The following PIK3R6 variants were observed in gnomAD, a reference collection of about 807,000 sequenced individuals.
PIK3R6 encodes phosphoinositide-3-kinase regulatory subunit 6, also known as phosphoinositide 3-kinase regulatory subunit 6.
Under a neutral mutation model 84.9 loss-of-function variants are expected in PIK3R6, and 91 were observed. That is an observed-to-expected ratio of 1.07 (90% CI 0.90 to 1.28). The LOEUF (loss-of-function observed/expected upper bound fraction) is 1.28, where lower values mean the gene tolerates loss of function less well. Ranked by LOEUF, PIK3R6 falls within the 50% of genes most tolerant of loss-of-function variation. PIK3R6 has a pLI of 0.00. For synonymous variants in PIK3R6, 416 were observed against 411.4 expected, an observed-to-expected ratio of 1.01 and a Z score of -0.13; for missense variants, 996 against 985.1, an observed-to-expected ratio of 1.01 and a Z score of -0.15.
At chr17:8,850,215 G>T (rs1243607785) in intron 1 of PIK3R6, among the ~76,000 whole-genome samples, 1 of 151,136 alleles carries the variant, frequency 6.6e-6, no homozygotes, top group Non-Finnish European at 1.5e-5. Flanking sequence ...TGAGGCAGGA[G>T]AATCGCCTGA....
At chr17:8,822,446 G>T in intron 16 of PIK3R6, 141 bp downstream of exon 16, 1 of 941,376 alleles carries the variant, frequency 1.1e-6, no homozygotes, top group Non-Finnish European at 1.6e-6. Flanking sequence ...ACTCCCTGAA[G>T]GCTGGGGAAC....
intron 1 of PIK3R6, among the ~76,000 whole-genome samples, chr17:8,861,490 A>G (rs2089284119): frequency 6.6e-6 from 1 of 152,214 alleles, no homozygotes; most frequent in African/African-American, 2.4e-5. Context: ...CTAGAAAGAA[A>G]TGACTCCTAA....
intron 2 of PIK3R6, among the ~76,000 whole-genome samples, chr17:8,840,751 T>TTTTGTG (rs1555536532): frequency 4.2e-4 from 62 of 147,748 alleles, no homozygotes; most frequent in African/African-American, 1.5e-3. Context: ...ATTATTATTT[T>TTTTGTG]TGTGTGTGTG....
chr17:8,835,227 G>A (rs1471127860), intron 8 of PIK3R6, 46 bp downstream of exon 8: 4 of 1,432,544 alleles, frequency 2.8e-6, no homozygotes, highest in African/African-American at 2.8e-5. Flanking sequence ...TGGGCATGCA[G>A]GGACGAGGGC....
intron 8 of PIK3R6, among the ~76,000 whole-genome samples, chr17:8,833,950 C>G (rs376313888): frequency 1.7e-4 from 26 of 151,422 alleles, no homozygotes; most frequent in African/African-American, 5.8e-4. Flanking sequence ...AGGTGGATCA[C>G]GAGGTCAGGA....
chr17:8,836,514 G>C, intron 7 of PIK3R6, 33 bp downstream of exon 7: 1 of 1,611,378 alleles, frequency 6.2e-7, no homozygotes, highest in Non-Finnish European at 8.5e-7. Flanking sequence ...GTTTTAGGAG[G>C]CTGAAGGTAG....
chr17:8,867,515 A>G lies in PIK3R6; in HGVS notation c.-92+14T>C. On this transcript the variant is annotated intron_variant, in intron 1 of 19. Coordinates refer to ENST00000619866, the MANE Select transcript of PIK3R6 (RefSeq NM_001010855.4). ...TCTGCCTGCCTGGCGATCTCCATCC[A>G]AGCCAGCACTTACCTTGGTTCGGTG... 2.3e-6 allele frequency: 1 copy of G among 440,914 alleles called. No homozygotes were observed. The highest frequency in any genetic ancestry group is 1.7e-5 in the South Asian group (1 of 60,054). The allele number at this position is 440,914 out of a possible 1,614,324, so 27.3% of individuals were successfully genotyped here.
intron 1 of PIK3R6, among the ~76,000 whole-genome samples, chr17:8,858,310 C>CTTTTTTTTTTTTTTTTT (rs752142944): frequency 2.1e-5 from 2 of 95,516 alleles, no homozygotes; most frequent in Non-Finnish European, 4.0e-5. Context: ...CTCAATTAAT[C>CTTTTTTTTTTTTTTTTT]TTTTTTTTTT....
In PIK3R6 at chr17:8,844,303, AT is replaced by A. The variant is rs1467686252; in HGVS notation, c.14-4607del. 6.6e-6 allele frequency among the ~76,000 whole-genome samples: 1 copy of A among 152,244 alleles called. No homozygotes were observed. Among genetic ancestry groups the A allele is most frequent in the Non-Finnish European group, 1.5e-5 (1 of 68,034 alleles). On this transcript the variant is annotated intron_variant, in intron 2 of 19. Coordinates refer to ENST00000619866, the MANE Select transcript of PIK3R6 (RefSeq NM_001010855.4). The surrounding 1 kb of genome is among the most constrained non-coding windows in gnomAD (Gnocchi z 4.5). Reference sequence around the variant, plus strand: ...AGACTTTTCCCACTACCCAGACTTTATAAACCCTGAGCTTCTCACAAACTCC... The same window carrying A: ...AGACTTTTCCCACTACCCAGACTTTAAAACCCTGAGCTTCTCACAAACTCC...
rs757459750 is a variant in PIK3R6 at position 8,836,554 on chromosome 17, G to A, written c.454C>T (p.Gln152Ter). The A allele has an allele frequency of 1.2e-5, 19 of 1,613,884 alleles. No homozygotes were observed. The highest frequency in any genetic ancestry group is 1.3e-5 in the Non-Finnish European group (15 of 1,179,880). ...QNLTNELYPY[Q>*]ERVFLFVDPE... ...TTTTCTGGGGCCACTCACCTCTCCT[G>A]GTAGGGATACAGCTCATTCGTCAAG... The change falls in exon 7 of 20, where the codon CAG becomes TAG. Residue 152 changes from glutamine to a stop codon, truncating the protein, a stop_gained. Coordinates refer to ENST00000619866, the MANE Select transcript of PIK3R6 (RefSeq NM_001010855.4). LOFTEE classifies it high-confidence loss of function.
intron 18 of PIK3R6, among the ~76,000 whole-genome samples, chr17:8,807,392 A>G (rs1597373689): frequency 6.6e-6 from 1 of 152,162 alleles, no homozygotes; most frequent in Non-Finnish European, 1.5e-5. Flanking sequence ...ACATACAAAG[A>G]TCATGCCATT....
At chr17:8,847,728 G>A (rs12942591) in intron 2 of PIK3R6, among the ~76,000 whole-genome samples, 18,397 of 151,974 alleles carry the variant, frequency 0.12, 1,235 homozygotes, top group Middle Eastern at 0.18. Flanking sequence ...GCTTGAACCT[G>A]GGAGGTGGAA....
rs563909229 is a variant in PIK3R6 at position 8,807,959 on chromosome 17, A to G, written c.1996-3806T>C. On this transcript the variant is annotated intron_variant, in intron 18 of 19. Coordinates refer to ENST00000619866, the MANE Select transcript of PIK3R6 (RefSeq NM_001010855.4). ...TGGGACTTTCCTGGTGTTAGCACTTAAAGTCCCAAGTCCAAGAAACCCCTT... is the reference window on the plus strand; with the variant it reads ...TGGGACTTTCCTGGTGTTAGCACTTGAAGTCCCAAGTCCAAGAAACCCCTT... 4.6e-5 allele frequency among the ~76,000 whole-genome samples: 7 copies of G among 152,278 alleles called. No homozygotes were observed. The East Asian group carries it at 1.2e-3, about 25-fold the overall frequency.
rs1480472369 is a variant in PIK3R6 at position 8,803,422 on chromosome 17, C to A, written c.2116G>T (p.Val706Phe). Residue 706 changes from valine to phenylalanine, a missense_variant, in exon 20 of 20, where the codon GTT becomes TTT. Transcript: ENST00000619866. The surrounding 1 kb of genome is among the most constrained non-coding windows in gnomAD (Gnocchi z 5.0). ...GAACATGGTTCTGGGCAGGGAGCAACCTCGAATCTGTGGGTGGAGAGAGAC... is the reference window on the plus strand; with the variant it reads ...GAACATGGTTCTGGGCAGGGAGCAAACTCGAATCTGTGGGTGGAGAGAGAC... ...RTFRDVVRFE[V>F]APCPEPCSGA... The A allele has an allele frequency of 3.1e-6, 5 of 1,603,568 alleles. No homozygotes were observed. Among genetic ancestry groups the A allele is most frequent in the Non-Finnish European group, 3.4e-6 (4 of 1,175,244 alleles).
chr17:8,860,434 C>T (rs1396744232), intron 1 of PIK3R6, among the ~76,000 whole-genome samples: 7 of 151,112 alleles, frequency 4.6e-5, no homozygotes, highest in Non-Finnish European at 8.8e-5. Flanking sequence ...AATCCATCCC[C>T]ATCCCCAGCC....
intron 1 of PIK3R6, among the ~76,000 whole-genome samples, chr17:8,853,855 C>T (rs559649367): frequency 5.3e-5 from 8 of 151,344 alleles, no homozygotes; most frequent in South Asian, 2.1e-4. Flanking sequence ...CCCAGCTACT[C>T]GGGAGGCTGA....
At position 8,836,938 on chromosome 17, in the gene PIK3R6, G is replaced by T; in HGVS notation, c.259-15C>A. On this transcript the variant is annotated splice_polypyrimidine_tract_variant and intron_variant, in intron 5 of 19. Coordinates refer to ENST00000619866, the MANE Select transcript of PIK3R6 (RefSeq NM_001010855.4). ...ATTCCTGTGGCCTGGGTGAGAGGGA[G>T]GAGGGGGAGGTGAGAGGGAGGAGGT... is the stretch of plus-strand genomic sequence containing the variant. 6.5e-7 allele frequency: 1 copy of T among 1,543,918 alleles called. No homozygotes were observed. Among genetic ancestry groups the T allele is most frequent in the Non-Finnish European group, 8.8e-7 (1 of 1,140,372 alleles).
intron 1 of PIK3R6, among the ~76,000 whole-genome samples, chr17:8,864,557 T>C (rs985301419): frequency 1.6e-5 from 2 of 127,216 alleles, no homozygotes; most frequent in South Asian, 2.7e-4. Flanking sequence ...TTTTTTTTTT[T>C]AGACAGAGTC....
chr17:8,822,052 CTTT>C (rs546514771), intron 16 of PIK3R6, 116 bp from the exon 17 acceptor site: 16,321 of 404,920 alleles, frequency 0.04, no homozygotes, highest in South Asian at 0.058. Flanking sequence ...CTGTGAGAGT[CTTT>C]TTTTTTTTTT....
Sources: allele counts gnomAD v4.1 joint callset (sites outside exome capture counted in the v4.1 genomes callset), GRCh38; gene constraint gnomAD v4.1.1; non-coding constraint Gnocchi (gnomAD v3.1); transcripts MANE v1.5; gene names NCBI Gene and HGNC (gene_info 2026-07-23, HGNC 2026-07-21).